GBF1: variants seen among roughly 807,000 people sequenced by gnomAD.
The protein encoded by GBF1 is Golgi-specific brefeldin A-resistance guanine nucleotide exchange factor 1.
Under a neutral mutation model 210.5 loss-of-function variants are expected in GBF1, and 114 were observed. The observed-to-expected ratio is 0.54, with a 90% CI of 0.47 to 0.63. The LOEUF (loss-of-function observed/expected upper bound fraction) is 0.63, where lower values mean the gene tolerates loss of function less well. Among genes scored for constraint, GBF1 ranks in the 30% least tolerant of loss-of-function variants. The pLI, the probability that GBF1 is intolerant of heterozygous loss-of-function variation, is 0.00. For missense variants in GBF1, 1,851 were observed against 2,357.7 expected (o/e 0.79, Z 4.45); for synonymous variants, 850 against 889.2 (o/e 0.96, Z 0.78).
At chr10:102,364,872 C>T (rs1435532901) in intron 17 of GBF1, among the ~76,000 whole-genome samples, 1 of 151,988 alleles carries the variant, frequency 6.6e-6, no homozygotes, top group Non-Finnish European at 1.5e-5. Flanking sequence ...AAAAACCTAA[C>T]CCTTTCTTTC....
At chr10:102,334,114 A>G (rs1382006843) in intron 3 of GBF1, among the ~76,000 whole-genome samples, 1 of 152,232 alleles carries the variant, frequency 6.6e-6, no homozygotes, top group Admixed American at 6.5e-5. Flanking sequence ...GGTAAAGAAC[A>G]TGCATGGGAG....
chr10:102,257,187 A>G (rs978105653), intron 1 of GBF1, among the ~76,000 whole-genome samples: 3 of 152,236 alleles, frequency 2.0e-5, no homozygotes, highest in African/African-American at 7.2e-5. Context: ...TACATATCAT[A>G]TTAATGCTTT....
rs373004024 is a variant in GBF1 at position 102,369,301 on chromosome 10, G to T, written c.3064G>T (p.Asp1022Tyr). 133 of 1,613,794 alleles carry T rather than the reference G, an allele frequency of 8.2e-5. No individual in the cohort carries two copies. The highest frequency in any genetic ancestry group is 1.1e-4 in the Non-Finnish European group (131 of 1,179,780). The change falls in exon 24 of 40, where the codon GAC becomes TAC. Residue 1022 changes from aspartate to tyrosine, a missense_variant. Transcript: ENST00000369983. ...TVFHLAHRHG[D>Y]ILREGWKNIM... ...ATTCCATTTGGCCCATCGTCATGGTGACATCCTGCGGGAGGGCTGGAAGAA... is the reference window on the plus strand; with the variant it reads ...ATTCCATTTGGCCCATCGTCATGGTTACATCCTGCGGGAGGGCTGGAAGAA...
chr10:102,327,831 A>G (rs1198425001), intron 3 of GBF1, among the ~76,000 whole-genome samples: 1 of 152,210 alleles, frequency 6.6e-6, no homozygotes, highest in East Asian at 1.9e-4. Flanking sequence ...AAAACAAGAG[A>G]CAGACAGACA....
chr10:102,303,888 AG>A (rs1403714513), intron 3 of GBF1, among the ~76,000 whole-genome samples: 1 of 152,104 alleles, frequency 6.6e-6, no homozygotes, highest in Non-Finnish European at 1.5e-5. Flanking sequence ...CAAGCCGAGG[AG>A]GTAGGGTTGT....
chr10:102,332,273 G>C (rs1457576437), intron 3 of GBF1, among the ~76,000 whole-genome samples: 1 of 152,148 alleles, frequency 6.6e-6, no homozygotes, highest in Non-Finnish European at 1.5e-5. Context: ...AAAGTTTGTA[G>C]ATGTTCAGTA....
intron 3 of GBF1, among the ~76,000 whole-genome samples, chr10:102,305,991 T>C (rs566287314): frequency 7.4e-4 from 113 of 152,288 alleles, no homozygotes; most frequent in Non-Finnish European, 1.4e-3. Context: ...GAATGATGAA[T>C]AGGTAGGTTG....
intron 3 of GBF1, among the ~76,000 whole-genome samples, chr10:102,291,882 G>C (rs1176100232): frequency 6.9e-6 from 1 of 145,958 alleles, no homozygotes; most frequent in Non-Finnish European, 1.5e-5. Context: ...CAAACCCCTA[G>C]AACTTTTCTT....
At chr10:102,340,464 G>C (rs1021978194) in intron 3 of GBF1, among the ~76,000 whole-genome samples, 1 of 151,024 alleles carries the variant, frequency 6.6e-6, no homozygotes, top group African/African-American at 2.4e-5. Context: ...TAGTAGAGAC[G>C]GGGTTTCACC....
At chr10:102,333,300 G>A (rs889733401) in intron 3 of GBF1, among the ~76,000 whole-genome samples, 6 of 152,158 alleles carry the variant, frequency 3.9e-5, no homozygotes, top group African/African-American at 7.2e-5. Flanking sequence ...CGTTGACAGT[G>A]TTTTCTGGAA....
intron 3 of GBF1, among the ~76,000 whole-genome samples, chr10:102,270,104 T>A (rs545534445): frequency 4.6e-5 from 7 of 152,076 alleles, no homozygotes; most frequent in African/African-American, 1.4e-4. Flanking sequence ...GGTCTTGATC[T>A]CCTGACCTCA....
chr10:102,313,722 G>C (rs901332587), intron 3 of GBF1, among the ~76,000 whole-genome samples: 1 of 152,176 alleles, frequency 6.6e-6, no homozygotes, highest in Admixed American at 6.5e-5. Context: ...AGGTGACTTG[G>C]AACTAATCCT....
At chr10:102,266,385 GAT>G (rs2073878162) in intron 3 of GBF1, among the ~76,000 whole-genome samples, 1 of 152,150 alleles carries the variant, frequency 6.6e-6, no homozygotes, top group African/African-American at 2.4e-5. Flanking sequence ...GCTTCTAACT[GAT>G]ATTTATTGAC....
In GBF1 at chr10:102,363,320, G is replaced by T. The variant is rs2059717956; in HGVS notation, c.1941G>T (p.Leu647=). Residue 647 remains leucine, a synonymous_variant, in exon 16 of 40, where the codon CTG becomes CTT. Coordinates refer to ENST00000369983, the MANE Select transcript of GBF1 (RefSeq NM_001377137.1). The surrounding 1 kb of genome is among the most constrained non-coding windows in gnomAD (Gnocchi z 4.2). ...CCTCAGACATCCCAGGCCTGCATCT[G>T]CCAGGTGGAGGGCGGCTGCCACCAG... The part of the protein sequence containing the change: ...GMASDIPGLH[L]PGGGRLPPEH... 6.2e-7 allele frequency: 1 copy of T among 1,613,998 alleles called. No homozygotes were observed. The highest frequency in any genetic ancestry group is 8.5e-7 in the Non-Finnish European group (1 of 1,179,862).
chr10:102,366,655 C>G lies in GBF1; in HGVS notation c.2433+149C>G. On this transcript the variant is annotated intron_variant, in intron 19 of 39. Coordinates refer to ENST00000369983, the MANE Select transcript of GBF1 (RefSeq NM_001377137.1). This position sits in a 1 kb window ranked among gnomAD's most constrained non-coding sequence, Gnocchi z 4.0. ...AGGCTGGAGTGCAGTAGCGCAGTCT[C>G]AGCACACTGCAACCTCCACCCCCCG... is the stretch of plus-strand genomic sequence containing the variant. 1.4e-6 allele frequency: 1 copy of G among 691,178 alleles called. No homozygotes were observed. Among genetic ancestry groups the G allele is most frequent in the Non-Finnish European group, 2.3e-6 (1 of 427,108 alleles). 42.8% of individuals were successfully genotyped at this position (691,178 alleles called of 1,614,324 possible).
chr10:102,304,637 C>T (rs1278488117), intron 3 of GBF1, among the ~76,000 whole-genome samples: 4 of 151,224 alleles, frequency 2.6e-5, no homozygotes, highest in South Asian at 2.1e-4. Context: ...TAGCCAGGTG[C>T]GGTGGCACAC....
At chr10:102,255,591 C>T (rs1008193547) in intron 1 of GBF1, among the ~76,000 whole-genome samples, 3 of 152,182 alleles carry the variant, frequency 2.0e-5, no homozygotes, top group African/African-American at 7.2e-5. Flanking sequence ...CCCTGGAGGC[C>T]GTAACCTCTT....
At chr10:102,381,651 C>T (rs1169060440) in intron 39 of GBF1, among the ~76,000 whole-genome samples, 3 of 151,574 alleles carry the variant, frequency 2.0e-5, no homozygotes, top group South Asian at 2.1e-4. Flanking sequence ...GGTGAAACCC[C>T]GCCTGTACCA....
intron 3 of GBF1, among the ~76,000 whole-genome samples, chr10:102,330,506 A>T (rs1034180887): frequency 2.6e-5 from 4 of 152,134 alleles, no homozygotes; most frequent in African/African-American, 9.7e-5. Flanking sequence ...CAACATGGCG[A>T]AACCCCGTCT....
Sources: allele counts gnomAD v4.1 joint callset (sites outside exome capture counted in the v4.1 genomes callset), GRCh38; gene constraint gnomAD v4.1.1; non-coding constraint Gnocchi (gnomAD v3.1); transcripts MANE v1.5; gene names NCBI Gene and HGNC (gene_info 2026-07-23, HGNC 2026-07-21).